Variants in ANKS1B observed in about 807,000 individuals in gnomAD.
ANKS1B encodes ankyrin repeat and sterile alpha motif domain containing 1B.
In ANKS1B, 36 loss-of-function variants were observed where a neutral mutation model predicts 148.3. The observed-to-expected ratio is 0.24, with a 90% CI of 0.19 to 0.32. The LOEUF (loss-of-function observed/expected upper bound fraction) is 0.32. Ranked by LOEUF, ANKS1B falls within the 10% of genes least tolerant of loss-of-function variation. The pLI, the probability that ANKS1B is intolerant of heterozygous loss-of-function variation, is 1.00. For synonymous variants in ANKS1B, 542 were observed against 560.8 expected, an observed-to-expected ratio of 0.97 and a Z score of 0.47; for missense variants, 1,157 against 1,542.6, an observed-to-expected ratio of 0.75 and a Z score of 4.19.
At chr12:99,530,075 T>C (rs12317389) in intron 9 of ANKS1B, among the ~76,000 whole-genome samples, 2,046 of 152,248 alleles carry the variant, frequency 0.013, 46 homozygotes, top group African/African-American at 0.047. Context: ...AGTATTGGTG[T>C]TGTAGCACAG....
At chr12:99,129,035 G>A (rs985400983) in intron 15 of ANKS1B, among the ~76,000 whole-genome samples, 1 of 152,162 alleles carries the variant, frequency 6.6e-6, no homozygotes, top group Non-Finnish European at 1.5e-5. Context: ...CCTTCTACTG[G>A]ACTGGGATGA....
At chr12:99,690,310 C>T (rs893731382) in intron 8 of ANKS1B, among the ~76,000 whole-genome samples, 1 of 152,070 alleles carries the variant, frequency 6.6e-6, no homozygotes, top group African/African-American at 2.4e-5. Context: ...CTGGCCCCTC[C>T]CAAATCTCAT....
intron 9 of ANKS1B, among the ~76,000 whole-genome samples, chr12:99,584,660 G>T (rs2097609134): frequency 6.6e-6 from 1 of 152,048 alleles, no homozygotes; most frequent in African/African-American, 2.4e-5. Flanking sequence ...CATTTATAAA[G>T]GAAAGAGGTC....
At chr12:99,008,972 A>G (rs2099937735) in intron 17 of ANKS1B, among the ~76,000 whole-genome samples, 1 of 152,152 alleles carries the variant, frequency 6.6e-6, no homozygotes, top group African/African-American at 2.4e-5. Context: ...CTGGACCCCA[A>G]AGGATTACAC....
Position 99,406,804 on chromosome 12 carries a change from T to C in ANKS1B, c.1576-6993A>G, listed in dbSNP as rs919261793. ...AAAAGAGAGATAAGCCTCAAGTAAA[T>C]AAAATGAGAGAAGAAAAAGACAACG... On this transcript the variant is annotated intron_variant, in intron 11 of 26. Transcript: ENST00000683438. Among the ~76,000 whole-genome samples, 8 of 145,184 alleles carry C rather than the reference T, an allele frequency of 5.5e-5. 2 individuals are homozygous for C. Among genetic ancestry groups the C allele is most frequent in the African/African-American group, 1.6e-4 (6 of 38,272 alleles).
intron 9 of ANKS1B, among the ~76,000 whole-genome samples, chr12:99,622,411 G>T (rs946971726): frequency 6.6e-6 from 1 of 151,682 alleles, no homozygotes; most frequent in African/African-American, 2.4e-5. Flanking sequence ...TGAAATAAAA[G>T]TGAGACCCCA....
At chr12:98,974,911 C>A (rs1223161472) in intron 17 of ANKS1B, among the ~76,000 whole-genome samples, 1 of 147,394 alleles carries the variant, frequency 6.8e-6, no homozygotes, top group African/African-American at 2.5e-5. Flanking sequence ...ACCTCCCTCC[C>A]TTCTTTCTTC....
intron 9 of ANKS1B, among the ~76,000 whole-genome samples, chr12:99,560,840 CTTTTT>C (rs58588885): frequency 4.2e-5 from 3 of 71,920 alleles, no homozygotes; most frequent in South Asian, 6.1e-4. Flanking sequence ...TTTCTTTTTT[CTTTTT>C]TTTTTTTTTT....
chr12:99,162,697 G>A (rs906433776), intron 14 of ANKS1B, among the ~76,000 whole-genome samples: 2 of 152,032 alleles, frequency 1.3e-5, no homozygotes, highest in African/African-American at 2.4e-5. Flanking sequence ...AGTATTTTTG[G>A]CATGGTTTCA....
intron 8 of ANKS1B, among the ~76,000 whole-genome samples, chr12:99,686,393 G>T (rs996761023): frequency 1.3e-5 from 2 of 152,068 alleles, no homozygotes; most frequent in South Asian, 2.1e-4. Context: ...ATACCTCATT[G>T]TAGCCAATCA....
chr12:99,749,420 G>C (rs1008391519), intron 8 of ANKS1B, among the ~76,000 whole-genome samples: 3 of 152,040 alleles, frequency 2.0e-5, no homozygotes, highest in African/African-American at 7.2e-5. Context: ...CTGACCAATG[G>C]GGAAAGGCAG....
intron 1 of ANKS1B, among the ~76,000 whole-genome samples, chr12:99,938,273 T>C (rs1461206453): frequency 6.6e-6 from 1 of 152,106 alleles, no homozygotes; most frequent in African/African-American, 2.4e-5. Flanking sequence ...CAGCAAGAAA[T>C]TGAAACCCTC....
chr12:99,448,533 T>C (rs577474659), intron 10 of ANKS1B, among the ~76,000 whole-genome samples: 2 of 152,190 alleles, frequency 1.3e-5, no homozygotes, highest in East Asian at 1.9e-4. Flanking sequence ...TTAATAACAA[T>C]GTATTGTATT....
intron 1 of ANKS1B, among the ~76,000 whole-genome samples, chr12:99,974,266 A>C (rs919069735): frequency 6.6e-6 from 1 of 152,226 alleles, no homozygotes; most frequent in African/African-American, 2.4e-5. Context: ...AGGATGTTGC[A>C]CACTTAACAG....
intron 8 of ANKS1B, among the ~76,000 whole-genome samples, chr12:99,692,627 C>T (rs927449514): frequency 3.4e-5 from 5 of 147,192 alleles, no homozygotes; most frequent in Admixed American, 1.4e-4. Flanking sequence ...GCTGAGATCG[C>T]ACCACTGCAC....
chr12:99,698,974 G>A (rs548290791), intron 8 of ANKS1B, among the ~76,000 whole-genome samples: 1,040 of 89,480 alleles, frequency 0.012, 13 homozygotes, highest in African/African-American at 0.046. Context: ...GTGTGTGTGG[G>A]TGTGCACGCA....
At chr12:99,100,909 G>A (rs2057765813) in intron 15 of ANKS1B, among the ~76,000 whole-genome samples, 1 of 152,190 alleles carries the variant, frequency 6.6e-6, no homozygotes, top group African/African-American at 2.4e-5. Context: ...CACAGCTTTG[G>A]ATCAGGAAAG....
At chr12:99,079,533 G>C (rs1421889794) in intron 16 of ANKS1B, among the ~76,000 whole-genome samples, 1 of 152,150 alleles carries the variant, frequency 6.6e-6, no homozygotes, top group East Asian at 1.9e-4. Context: ...GTCGCACTAA[G>C]ATCAAGAGTC....
At chr12:99,599,209 A>G (rs1187840483) in intron 9 of ANKS1B, among the ~76,000 whole-genome samples, 9 of 152,026 alleles carry the variant, frequency 5.9e-5, no homozygotes, top group African/African-American at 1.9e-4. Flanking sequence ...GGTAACATTT[A>G]CTGGTACCAA....
Sources: allele counts gnomAD v4.1 joint callset (sites outside exome capture counted in the v4.1 genomes callset), GRCh38; gene constraint gnomAD v4.1.1; transcripts MANE v1.5; gene names NCBI Gene and HGNC (gene_info 2026-07-23, HGNC 2026-07-21).